MORC3: variants seen among roughly 807,000 people sequenced by gnomAD.
The protein encoded by MORC3 is MORC family CW-type zinc finger 3.
A neutral mutation model predicts 109.1 loss-of-function variants in MORC3; 31 were observed. The observed-to-expected ratio is 0.28, with a 90% CI of 0.21 to 0.38. The LOEUF is 0.38. MORC3 is among the 10% of genes least tolerant of loss of function. The pLI, the probability that MORC3 is intolerant of heterozygous loss-of-function variation, is 1.00. For missense variants in MORC3, 867 were observed against 1,135.8 expected (o/e 0.76, Z 3.40); for synonymous variants, 395 against 380.7 (o/e 1.04, Z -0.44).
chr21:36,368,413 A>AC (rs1444846925), intron 14 of MORC3, among the ~76,000 whole-genome samples: 3 of 152,184 alleles, frequency 2.0e-5, no homozygotes, highest in Non-Finnish European at 4.4e-5. Flanking sequence ...CCTGGAGGTG[A>AC]TCAAATGCAG....
intron 12 of MORC3, 146 bp from the exon 13 acceptor site, chr21:36,362,037 A>G: frequency 3.6e-6 from 3 of 824,518 alleles, no homozygotes; most frequent in South Asian, 3.2e-5. Context: ...GATAAAAGGT[A>G]GAAAGTATTT....
rs2085928079 is a variant in MORC3 at position 36,376,221 on chromosome 21, A to G, written c.*925A>G. 1 of 152,646 alleles carries G rather than the reference A, an allele frequency of 6.6e-6. No homozygotes were observed. Among genetic ancestry groups the G allele is most frequent in the South Asian group, 2.1e-4 (1 of 4,832 alleles). The allele number at this position is 152,646 out of a possible 1,614,324, so 9.5% of individuals were successfully genotyped here. On this transcript the variant is annotated 3_prime_UTR_variant, in exon 17 of 17. Coordinates refer to ENST00000400485, the MANE Select transcript of MORC3 (RefSeq NM_015358.3). Reference sequence around the variant, plus strand: ...TCAAGGAACAAATTTCCTTAGGATTATAGTATTACATGCCATAAAATACTA... The same window carrying G: ...TCAAGGAACAAATTTCCTTAGGATTGTAGTATTACATGCCATAAAATACTA...
In MORC3 at chr21:36,338,907, T is replaced by A; in HGVS notation, c.594T>A (p.Ile198=). The A allele has an allele frequency of 6.2e-7, 1 of 1,613,804 alleles. No homozygotes were observed. Among genetic ancestry groups the A allele is most frequent in the African/African-American group, 1.3e-5 (1 of 75,002 alleles). ...IIGKKGTRII[I]WNLRSYKNAT... Reference sequence around the variant, plus strand: ...GCAAGAAGGGGACGAGGATCATCATTTGGAATCTTAGAAGGTAAACGTGGA... The same window carrying A: ...GCAAGAAGGGGACGAGGATCATCATATGGAATCTTAGAAGGTAAACGTGGA... The change falls in exon 5 of 17, where the codon ATT becomes ATA. Residue 198 remains isoleucine (I), a synonymous_variant. Coordinates refer to ENST00000400485, the MANE Select transcript of MORC3 (RefSeq NM_015358.3).
intron 10 of MORC3, 48 bp downstream of exon 10, chr21:36,356,772 G>T: frequency 8.2e-7 from 1 of 1,215,236 alleles, no homozygotes. Flanking sequence ...ATCAAGATGT[G>T]GTATTAGAGA....
chr21:36,367,692 G>A (rs2085797312), intron 14 of MORC3, among the ~76,000 whole-genome samples: 2 of 152,288 alleles, frequency 1.3e-5, no homozygotes, highest in South Asian at 4.1e-4. Context: ...AGAGCATAAT[G>A]TCTGGAAGGA....
chr21:36,369,827 T>TTA lies in MORC3; in HGVS notation c.2460_2461dup (p.Arg821IlefsTer39), dbSNP rs2085833672. 6.2e-7 allele frequency: 1 copy of TTA among 1,613,798 alleles called. No individual in the cohort carries two copies. The highest frequency in any genetic ancestry group is 8.5e-7 in the Non-Finnish European group (1 of 1,180,038). On this transcript the variant is annotated frameshift_variant, in exon 15 of 17. Transcript: ENST00000400485. LOFTEE classifies it high-confidence loss of function. ...ATGGCTGTGCAGCTTGACGATGTGT[T>TTA]TAGACAACTGGACAAATGCAGTATT...
intron 7 of MORC3, 27 bp downstream of exon 7, chr21:36,344,734 GAT>G: frequency 6.2e-7 from 1 of 1,611,258 alleles, no homozygotes; most frequent in Admixed American, 1.7e-5. Context: ...TCCTTATAGA[GAT>G]ATGTTAGTCA....
chr21:36,337,665 GTATT>G lies in MORC3; in HGVS notation c.246-49_246-46del, dbSNP rs950707610. On this transcript the variant is annotated intron_variant, in intron 3 of 16. Coordinates refer to ENST00000400485, the MANE Select transcript of MORC3 (RefSeq NM_015358.3). ...AATGAATTAAAAAAAAAGATTATAG[GTATT>G]TATTTATTTATTTATTTTTGATTAT... The G allele has an allele frequency of 3.0e-4, 317 of 1,063,502 alleles. 1 individual carries two copies. Among genetic ancestry groups the G allele is most frequent in the Middle Eastern group, 1.3e-3 (4 of 3,150 alleles). The allele number at this position is 1,063,502 out of a possible 1,614,324, so 65.9% of individuals were successfully genotyped here.
At position 36,376,030 on chromosome 21, in the gene MORC3, C is replaced by A. The variant is rs1310023389; in HGVS notation, c.*734C>A. On this transcript the variant is annotated 3_prime_UTR_variant, in exon 17 of 17. Coordinates refer to ENST00000400485, the MANE Select transcript of MORC3 (RefSeq NM_015358.3). ...AGCCCATTTTTGGCTGTTTAGTCAG[C>A]ATGAAGTGGGCATGATAATTTTTTA... 6.6e-6 allele frequency: 1 copy of A among 152,198 alleles called. No homozygotes were observed. Among genetic ancestry groups the A allele is most frequent in the Non-Finnish European group, 1.5e-5 (1 of 68,044 alleles). 9.4% of individuals were successfully genotyped at this position (152,198 alleles called of 1,614,324 possible).
intron 14 of MORC3, among the ~76,000 whole-genome samples, chr21:36,368,443 G>A (rs566842478): frequency 1.2e-4 from 18 of 152,302 alleles, no homozygotes; most frequent in Admixed American, 2.0e-4. Context: ...GCAGTAAATA[G>A]ATCTGGTACT....
intron 9 of MORC3, among the ~76,000 whole-genome samples, chr21:36,351,354 C>T (rs937701888): frequency 1.4e-4 from 21 of 152,224 alleles, no homozygotes; most frequent in East Asian, 7.7e-4. Context: ...GTGTGAGCCA[C>T]CACGCCCGGC....
chr21:36,364,152 T>A lies in MORC3; in HGVS notation c.1512T>A (p.Pro504=). The A allele has an allele frequency of 6.2e-7, 1 of 1,614,122 alleles. No individual in the cohort carries two copies. Among genetic ancestry groups the A allele is most frequent in the Non-Finnish European group, 8.5e-7 (1 of 1,179,976 alleles). ...TALSTPSFSS[P]KESVPRRHLS... ...TTTCAACTCCAAGCTTTTCTTCTCC[T>A]AAGGAAAGTGTTCCAAGAAGACATC... The change falls in exon 14 of 17, where the codon CCT becomes CCA. Residue 504 remains proline, a synonymous_variant. Transcript: ENST00000400485.
chr21:36,364,055 A>C, intron 13 of MORC3, 38 bp from the exon 14 acceptor site: 1 of 1,591,912 alleles, frequency 6.3e-7, no homozygotes. Context: ...TCACACTAGA[A>C]ATAGTTCCTT....
intron 1 of MORC3, among the ~76,000 whole-genome samples, chr21:36,331,657 G>C (rs970875023): frequency 6.6e-6 from 1 of 151,952 alleles, no homozygotes; most frequent in African/African-American, 2.4e-5. Flanking sequence ...CATTTGGTAC[G>C]TACCACTACT....
At chr21:36,353,355 CAAAAAAAAA>C (rs35837458) in intron 9 of MORC3, among the ~76,000 whole-genome samples, 2 of 55,660 alleles carry the variant, frequency 3.6e-5, no homozygotes, top group African/African-American at 7.8e-5. Flanking sequence ...GACTCTGTCT[CAAAAAAAAA>C]AAAAAAAAAA....
chr21:36,351,268 A>G lies in MORC3; in HGVS notation c.1103+1860A>G, dbSNP rs796614721. Among the ~76,000 whole-genome samples the G allele has an allele frequency of 1.4e-4, 21 of 151,808 alleles. 1 individual carries two copies. Among genetic ancestry groups the G allele is most frequent in the African/African-American group, 4.6e-4 (19 of 41,414 alleles). On this transcript the variant is annotated intron_variant, in intron 9 of 16. Transcript: ENST00000400485. Reference sequence around the variant, plus strand: ...ATTTTTGGTAGAGATGGGGTTTACTATTTTGATCAGGATGGTCTTGATCTG... The same window carrying G: ...ATTTTTGGTAGAGATGGGGTTTACTGTTTTGATCAGGATGGTCTTGATCTG...
At chr21:36,338,623 TA>T in intron 4 of MORC3, 150 bp from the exon 5 acceptor site, 1 of 717,538 alleles carries the variant, frequency 1.4e-6, no homozygotes, top group Non-Finnish European at 2.1e-6. Context: ...CACTCTAGCC[TA>T]AGCAATAGTG....
At chr21:36,354,199 G>C (rs973712129) in intron 9 of MORC3, among the ~76,000 whole-genome samples, 4 of 152,122 alleles carry the variant, frequency 2.6e-5, no homozygotes, top group South Asian at 4.1e-4. Context: ...AGGAAGAAGG[G>C]GGATTGGTTT....
At chr21:36,351,850 A>G (rs2085576516) in intron 9 of MORC3, among the ~76,000 whole-genome samples, 1 of 152,178 alleles carries the variant, frequency 6.6e-6, no homozygotes, top group Non-Finnish European at 1.5e-5. Flanking sequence ...ATCTAAAAGA[A>G]AGAAAATCAG....
Sources: gnomAD v4.1 joint callset for allele counts (sites outside exome capture counted in the v4.1 genomes callset) on GRCh38, gnomAD v4.1.1 for gene constraint, MANE v1.5 for transcripts, NCBI Gene and HGNC (gene_info 2026-07-23, HGNC 2026-07-21) for gene names.